The following COL12A1 variants were observed in gnomAD, a reference collection of about 807,000 sequenced individuals.
COL12A1 encodes collagen type XII alpha 1 chain.
In COL12A1, 114 loss-of-function variants were observed where a neutral mutation model predicts 349.7. The observed-to-expected ratio is 0.33, with a 90% CI of 0.28 to 0.38. The LOEUF (loss-of-function observed/expected upper bound fraction) is 0.38. Ranked by LOEUF, COL12A1 falls within the 10% of genes least tolerant of loss-of-function variation. The pLI is 1.00. For missense variants in COL12A1, 3,284 were observed against 3,756.9 expected, an observed-to-expected ratio of 0.87 and a Z score of 3.29; for synonymous variants, 1,369 against 1,329.0, an observed-to-expected ratio of 1.03 and a Z score of -0.66.
Position 75,121,448 on chromosome 6 carries a change from A to G in COL12A1, c.6947-7T>C. The G allele has an allele frequency of 6.5e-7, 1 of 1,536,788 alleles. No individual in the cohort carries two copies. The highest frequency in any genetic ancestry group is 8.8e-7 in the Non-Finnish European group (1 of 1,134,216). The stretch of plus-strand genomic sequence containing the variant: ...GCCTTGGCCCCTTTGCATACTGCAA[A>G]AAAAGAAAGCAGAGGAAGCCCCAAA... On this transcript the variant is annotated splice_region_variant and splice_polypyrimidine_tract_variant and intron_variant, in intron 43 of 65. Transcript: ENST00000322507.
intron 33 of COL12A1, 54 bp from the exon 34 acceptor site, chr6:75,133,476 T>C: frequency 2.6e-6 from 4 of 1,551,230 alleles, no homozygotes; most frequent in Non-Finnish European, 3.5e-6. Flanking sequence ...GTGAAAGAAA[T>C]AATAATTCAA....
chr6:75,169,529 T>G (rs944970502), intron 13 of COL12A1, among the ~76,000 whole-genome samples: 2 of 152,212 alleles, frequency 1.3e-5, no homozygotes, highest in Admixed American at 1.3e-4. Context: ...GCTCCCTCCC[T>G]TCTGAGGTCC....
chr6:75,155,573 T>A, intron 16 of COL12A1, 89 bp downstream of exon 16: 1 of 1,273,236 alleles, frequency 7.9e-7, no homozygotes, highest in Non-Finnish European at 1.1e-6. Context: ...ATAAGTGATA[T>A]TTGTGTAAAG....
chr6:75,154,082 T>C (rs1371455677), intron 17 of COL12A1, among the ~76,000 whole-genome samples: 1 of 151,792 alleles, frequency 6.6e-6, no homozygotes, highest in Non-Finnish European at 1.5e-5. Flanking sequence ...AATTTTAAAT[T>C]ATGCGTTATT....
In COL12A1 at chr6:75,103,820, A is replaced by G. The variant is rs377345950; in HGVS notation, c.8266-10T>C. On this transcript the variant is annotated splice_polypyrimidine_tract_variant and intron_variant, in intron 54 of 65. Transcript: ENST00000322507. ...TAGCACCAGGTCCTCCCTAAAATAC[A>G]TAGAGCACATAGTAGTGTGAACATA... 4.3e-6 allele frequency: 7 copies of G among 1,609,580 alleles called. No individual in the cohort carries two copies. Among genetic ancestry groups the G allele is most frequent in the Middle Eastern group, 1.6e-4 (1 of 6,068 alleles).
intron 6 of COL12A1, 37 bp from the exon 7 acceptor site, chr6:75,189,418 T>C: frequency 6.3e-7 from 1 of 1,592,346 alleles, no homozygotes; most frequent in Non-Finnish European, 8.5e-7. Flanking sequence ...TACTCTGTAC[T>C]ACACAATTTT....
At chr6:75,086,640 T>C in intron 65 of COL12A1, 83 bp from the exon 66 acceptor site, 2 of 802,590 alleles carry the variant, frequency 2.5e-6, no homozygotes, top group South Asian at 1.7e-5. Flanking sequence ...ACGTATGTAA[T>C]GGTTAAAGTA....
At chr6:75,092,777 C>A (rs1196692514) in intron 60 of COL12A1, among the ~76,000 whole-genome samples, 1 of 151,090 alleles carries the variant, frequency 6.6e-6, no homozygotes, top group Non-Finnish European at 1.5e-5. Flanking sequence ...TAAGAGCCAC[C>A]CATCCCATTC....
At chr6:75,118,939 A>G (rs1232777764) in intron 46 of COL12A1, 104 bp downstream of exon 46, 1 of 1,497,718 alleles carries the variant, frequency 6.7e-7, no homozygotes, top group East Asian at 2.3e-5. Context: ...AGAGTGAAAC[A>G]GAAACAATAA....
intron 31 of COL12A1, among the ~76,000 whole-genome samples, chr6:75,136,749 T>A: frequency 6.6e-6 from 1 of 152,308 alleles, no homozygotes; most frequent in East Asian, 1.9e-4. Flanking sequence ...ATACATGCAG[T>A]TCTAATTACA....
Position 75,137,558 on chromosome 6 carries a change from T to C in COL12A1, c.5273A>G (p.Asn1758Ser). The change falls in exon 31 of 66, where the codon AAC becomes AGC. Residue 1758 changes from asparagine (N) to serine (S), a missense_variant. Transcript: ENST00000322507. Reference sequence around the variant, plus strand: ...AGATGTTGCATTGTACACTTGAAGGTTTCGTGGGCCACTTTTGGGAGCTGA... The same window carrying C: ...AGATGTTGCATTGTACACTTGAAGGCTTCGTGGGCCACTTTTGGGAGCTGA... ...TTQAPKSGPR[N>S]LQVYNATSNS... 1 of 1,613,688 alleles carries C rather than the reference T, an allele frequency of 6.2e-7. No homozygotes were observed. Among genetic ancestry groups the C allele is most frequent in the South Asian group, 1.1e-5 (1 of 90,954 alleles).
At chr6:75,115,417 A>T (rs1582072474) in intron 49 of COL12A1, among the ~76,000 whole-genome samples, 1 of 152,172 alleles carries the variant, frequency 6.6e-6, no homozygotes, top group Non-Finnish European at 1.5e-5. Context: ...AACACTAAAA[A>T]GAATGCTCTC....
At chr6:75,140,295 C>T (rs1322335361) in intron 27 of COL12A1, among the ~76,000 whole-genome samples, 1 of 152,068 alleles carries the variant, frequency 6.6e-6, no homozygotes, top group Non-Finnish European at 1.5e-5. Context: ...AATGAAATTG[C>T]TAAGAGATCT....
Position 75,090,418 on chromosome 6 carries a change from A to G in COL12A1, c.8753-120T>C. Reference sequence around the variant, plus strand: ...TCCATTCTGCAACCCCTCTAAGGAAACAATCTAATTAGAATCCTAAAAATA... The same window carrying G: ...TCCATTCTGCAACCCCTCTAAGGAAGCAATCTAATTAGAATCCTAAAAATA... On this transcript the variant is annotated intron_variant, in intron 62 of 65. Transcript: ENST00000322507. The surrounding 1 kb of genome is among the most constrained non-coding windows in gnomAD (Gnocchi z 4.1). The G allele has an allele frequency of 1.1e-6, 1 of 920,766 alleles. No individual in the cohort carries two copies. Among genetic ancestry groups the G allele is most frequent in the East Asian group, 2.6e-5 (1 of 38,882 alleles). 57.0% of individuals were successfully genotyped at this position (920,766 alleles called of 1,614,324 possible). A position where few individuals can be genotyped will look rare whatever the true frequency, so the allele number is the denominator to read the frequency against.
At position 75,086,653 on chromosome 6, in the gene COL12A1, T is replaced by C; in HGVS notation, c.9182-96A>G. 3 of 276,158 alleles carry C rather than the reference T, an allele frequency of 1.1e-5. No individual in the cohort carries two copies. In the East Asian group the frequency reaches 3.3e-4, roughly 30 times the overall value. The allele number at this position is 276,158 out of a possible 1,614,324, so 17.1% of individuals were successfully genotyped here. ...CTACGTATGTAATGGTTAAAGTATA[T>C]ATATATATATATATATATATCCATA... On this transcript the variant is annotated intron_variant, in intron 65 of 65. Coordinates refer to ENST00000322507, the MANE Select transcript of COL12A1 (RefSeq NM_004370.6).
At chr6:75,094,442 A>G (rs982360164) in intron 60 of COL12A1, among the ~76,000 whole-genome samples, 9 of 152,210 alleles carry the variant, frequency 5.9e-5, no homozygotes, top group African/African-American at 1.9e-4. Flanking sequence ...CCCAACACTC[A>G]TTACAAATAT....
chr6:75,168,704 T>C (rs1768448625), intron 13 of COL12A1, among the ~76,000 whole-genome samples: 2 of 152,244 alleles, frequency 1.3e-5, no homozygotes, highest in African/African-American at 2.4e-5. Context: ...TCTTTATTCT[T>C]TCCCCTTTTT....
At position 75,165,560 on chromosome 6, in the gene COL12A1, G is replaced by A; in HGVS notation, c.2930C>T (p.Ala977Val). ...TTCTCCTTCTCCACTGCTGTAAGTG[G>A]CAAATACTGAAATTCTGTATTTGGT... ...PETKYRISVF[A>V]TYSSGEGEPL... The change falls in exon 14 of 66, where the codon GCC becomes GTC. Residue 977 changes from alanine (A) to valine (V), a missense_variant. By Grantham distance (64) the Ala-to-Val change is moderately conservative (BLOSUM62 0). This residue lies in a region of COL12A1 where 2,601 missense variants were observed against 2,824.8 expected (regional missense o/e 0.92). Transcript: ENST00000322507. 1 of 1,613,906 alleles carries A rather than the reference G, an allele frequency of 6.2e-7. No homozygotes were observed.
chr6:75,128,881 T>C (rs1203776898), intron 37 of COL12A1, among the ~76,000 whole-genome samples: 1 of 152,164 alleles, frequency 6.6e-6, no homozygotes, highest in South Asian at 2.1e-4. Context: ...TGAGCAAAAA[T>C]TGACTAACTT....
Sources: allele counts gnomAD v4.1 joint callset (sites outside exome capture counted in the v4.1 genomes callset), GRCh38; gene constraint gnomAD v4.1.1; regional missense constraint gnomAD v4.1.1; non-coding constraint Gnocchi (gnomAD v3.1); transcripts MANE v1.5; gene names NCBI Gene and HGNC (gene_info 2026-07-23, HGNC 2026-07-21).